Variants in PCDHGB1 observed in about 807,000 individuals in gnomAD.
PCDHGB1 encodes the protein protocadherin gamma-B1.
In PCDHGB1, 34 loss-of-function variants were observed where a neutral mutation model predicts 56.6. The observed-to-expected ratio is 0.60, with a 90% CI of 0.46 to 0.80. The LOEUF is 0.80. Ranked by LOEUF, PCDHGB1 falls within the 30% of genes least tolerant of loss-of-function variation. The pLI, the probability that PCDHGB1 is intolerant of heterozygous loss-of-function variation, is 0.00. For synonymous variants in PCDHGB1, 561 were observed against 505.9 expected (o/e 1.11, Z -1.46); for missense variants, 1,278 against 1,204.6 (o/e 1.06, Z -0.90).
chr5:141,362,232 C>G, intron 1 of PCDHGB1: 4 of 1,614,034 alleles, frequency 2.5e-6, no homozygotes, highest in Non-Finnish European at 3.4e-6. Flanking sequence ...TGGCCTTGAT[C>G]TCAGTGCTCT....
In PCDHGB1 at chr5:141,485,804, G is replaced by C; in HGVS notation, c.2410-9003G>C. 6.2e-7 allele frequency: 1 copy of C among 1,614,218 alleles called. No homozygotes were observed. The highest frequency in any genetic ancestry group is 1.3e-5 in the African/African-American group (1 of 75,060). The stretch of plus-strand genomic sequence containing the variant: ...AGAGAAGCAATCGGACTACCGCCTG[G>C]TGCTGACTGCTGTCGATGGAGGGAA... On this transcript the variant is annotated intron_variant, in intron 1 of 3. Coordinates refer to ENST00000523390, the MANE Select transcript of PCDHGB1 (RefSeq NM_018922.3). This position sits in a 1 kb window ranked among gnomAD's most constrained non-coding sequence, Gnocchi z 5.7.
chr5:141,381,355 C>A (rs1431564536), intron 1 of PCDHGB1, among the ~76,000 whole-genome samples: 1 of 152,222 alleles, frequency 6.6e-6, no homozygotes, highest in Non-Finnish European at 1.5e-5. Flanking sequence ...TTTCTGCTAG[C>A]AGAGGGTAGC....
chr5:141,382,880 G>A, intron 1 of PCDHGB1: 1 of 1,526,962 alleles, frequency 6.5e-7, no homozygotes, highest in Non-Finnish European at 8.8e-7. Context: ...CGGCGCCTAA[G>A]CAAGAGAAGC....
At chr5:141,403,655 A>T (rs1262068795) in intron 1 of PCDHGB1, 6 of 1,613,798 alleles carry the variant, frequency 3.7e-6, no homozygotes, top group Non-Finnish European at 4.2e-6. Context: ...AGTGTTGGAT[A>T]CAAATGATAA....
chr5:141,422,519 C>G, intron 1 of PCDHGB1: 1 of 1,613,968 alleles, frequency 6.2e-7, no homozygotes, highest in Non-Finnish European at 8.5e-7. Flanking sequence ...CAGGGAAGCC[C>G]GCCTTTGTCT....
chr5:141,364,317 G>A (rs1467973358), intron 1 of PCDHGB1: 2 of 1,524,768 alleles, frequency 1.3e-6, no homozygotes, highest in Non-Finnish European at 8.8e-7. Context: ...AGAAAATTGG[G>A]CAGAGAGAAG....
chr5:141,501,025 C>T (rs999221755), intron 2 of PCDHGB1, among the ~76,000 whole-genome samples: 94 of 152,100 alleles, frequency 6.2e-4, no homozygotes, highest in East Asian at 1.9e-3. Flanking sequence ...CGCGCCACCA[C>T]GCCCAGCTAA....
intron 1 of PCDHGB1, chr5:141,415,772 T>C (rs540545854): frequency 4.5e-6 from 6 of 1,336,628 alleles, no homozygotes; most frequent in African/African-American, 1.8e-5. Context: ...TTTTTTTTTT[T>C]ACTTTCTGGT....
At chr5:141,454,019 A>G (rs905033407) in intron 1 of PCDHGB1, among the ~76,000 whole-genome samples, 1 of 152,262 alleles carries the variant, frequency 6.6e-6, no homozygotes, top group African/African-American at 2.4e-5. Flanking sequence ...AGAAAAATGT[A>G]TTAAGAATTG....
At chr5:141,368,943 C>G (rs1765943914) in intron 1 of PCDHGB1, among the ~76,000 whole-genome samples, 1 of 152,178 alleles carries the variant, frequency 6.6e-6, no homozygotes, top group South Asian at 2.1e-4. Context: ...ATTCTGGTTA[C>G]TGTGAGTAGT....
chr5:141,495,221 G>A lies in PCDHGB1; in HGVS notation c.2468+356G>A, dbSNP rs376660961. On this transcript the variant is annotated intron_variant, in intron 2 of 3. Coordinates refer to ENST00000523390, the MANE Select transcript of PCDHGB1 (RefSeq NM_018922.3). ...ACTGCCTAACCCCCTCCCCTGAGTT[G>A]AGCTGGGCTCCATTATGACCTGGGG... Among the ~76,000 whole-genome samples, 26 of 152,300 alleles carry A rather than the reference G, an allele frequency of 1.7e-4. 1 individual carries two copies. The East Asian group carries it at 4.4e-3, about 26-fold the overall frequency.
At chr5:141,423,837 A>G (rs73792199) in intron 1 of PCDHGB1, 16,285 of 1,277,458 alleles carry the variant, frequency 0.013, 610 homozygotes, top group African/African-American at 0.098. Context: ...TGAGATTACG[A>G]TAATCTTTCA....
chr5:141,360,008 C>G, intron 1 of PCDHGB1: 1 of 1,210,692 alleles, frequency 8.3e-7, no homozygotes, highest in Non-Finnish European at 1.1e-6. Context: ...ACAAACCAAC[C>G]ACACAGAGAA....
At chr5:141,478,694 T>A (rs2099472305) in intron 1 of PCDHGB1, 1 of 1,550,598 alleles carries the variant, frequency 6.4e-7, no homozygotes, top group Admixed American at 2.0e-5. Flanking sequence ...TAGATCAAAG[T>A]TAGTGCCTTT....
intron 1 of PCDHGB1, among the ~76,000 whole-genome samples, chr5:141,444,497 C>G (rs899746599): frequency 3.3e-5 from 5 of 152,026 alleles, no homozygotes; most frequent in African/African-American, 1.2e-4. Context: ...TTGTGTAATA[C>G]TTTGCTCTAG....
rs368585389 is a variant in PCDHGB1, at chr5:141,419,428, G to A, written c.2409+66759G>A. On this transcript the variant is annotated intron_variant, in intron 1 of 3. Coordinates refer to ENST00000523390, the MANE Select transcript of PCDHGB1 (RefSeq NM_018922.3). ...TCGCGCAGCGCGCCTTCGACCACGAGCAGCTGCGCACCTTCGAGCTCACGC... is the reference window on the plus strand; with the variant it reads ...TCGCGCAGCGCGCCTTCGACCACGAACAGCTGCGCACCTTCGAGCTCACGC... 4 of 1,613,192 alleles carry A rather than the reference G, an allele frequency of 2.5e-6. No individual in the cohort carries two copies. In the African/African-American group the frequency reaches 4.0e-5, roughly 16 times the overall value.
chr5:141,365,223 T>C (rs1561533548), intron 1 of PCDHGB1: 7 of 1,613,924 alleles, frequency 4.3e-6, no homozygotes, highest in Non-Finnish European at 5.9e-6. Context: ...GATTCCAACC[T>C]GGGGGAAATC....
Position 141,476,480 on chromosome 5 carries a change from G to A in PCDHGB1, c.2410-18327G>A, listed in dbSNP as rs761828753. 1 of 1,614,108 alleles carries A rather than the reference G, an allele frequency of 6.2e-7. No individual in the cohort carries two copies. The highest frequency in any genetic ancestry group is 2.2e-5 in the East Asian group (1 of 44,846). On this transcript the variant is annotated intron_variant, in intron 1 of 3. Transcript: ENST00000523390. This position sits in a 1 kb window ranked among gnomAD's most constrained non-coding sequence, Gnocchi z 7.6. ...GAACCCGCTGGAGCTGTTCAGCGTG[G>A]AAGTGGTGATCCAGGACATCAACGA...
intron 1 of PCDHGB1, chr5:141,360,702 T>C: frequency 6.2e-7 from 1 of 1,613,942 alleles, no homozygotes; most frequent in Non-Finnish European, 8.5e-7. Context: ...CAGATGGTCG[T>C]AAATATCCTG....
Sources: allele counts gnomAD v4.1 joint callset (sites outside exome capture counted in the v4.1 genomes callset), GRCh38; gene constraint gnomAD v4.1.1; non-coding constraint Gnocchi (gnomAD v3.1); transcripts MANE v1.5; gene names NCBI Gene and HGNC (gene_info 2026-07-23, HGNC 2026-07-21).